Variants in PDE4D observed in about 807,000 individuals in gnomAD.
The protein encoded by PDE4D is 3',5'-cyclic-AMP phosphodiesterase 4D.
PDE4D carries 24 observed loss-of-function variants against 87.4 expected under a neutral mutation model. That is an observed-to-expected ratio of 0.27 (90% CI 0.20 to 0.39). The LOEUF (loss-of-function observed/expected upper bound fraction) is 0.39. Among genes scored for constraint, PDE4D ranks in the 10% least tolerant of loss-of-function variants. The pLI, the probability that PDE4D is intolerant of heterozygous loss-of-function variation, is 1.00. For synonymous variants in PDE4D, 384 were observed against 383.2 expected, an observed-to-expected ratio of 1.00 and a Z score of -0.02; for missense variants, 714 against 1,041.0, an observed-to-expected ratio of 0.69 and a Z score of 4.32.
chr5:60,459,388 G>A (rs1270180198), intron 1 of PDE4D, among the ~76,000 whole-genome samples: 14 of 151,926 alleles, frequency 9.2e-5, no homozygotes, highest in Non-Finnish European at 2.9e-5. Context: ...TTGTTTTTTA[G>A]TTTTTTTCTT....
Position 59,681,243 on chromosome 5 carries a change from A to T in PDE4D, c.455+211925T>A, listed in dbSNP as rs532853779. ...AGGGAGTCAACTAGAAGTACCTTGT[A>T]CTGTCCAAATCCAGGACAGTATGAG... is the stretch of plus-strand genomic sequence containing the variant. On this transcript the variant is annotated intron_variant, in intron 1 of 14. Transcript: ENST00000340635. 3.9e-5 allele frequency among the ~76,000 whole-genome samples: 6 copies of T among 152,330 alleles called. No individual in the cohort carries two copies. The South Asian group carries it at 1.2e-3, about 32-fold the overall frequency.
intron 1 of PDE4D, among the ~76,000 whole-genome samples, chr5:59,651,926 AT>A (rs1743571318): frequency 6.6e-6 from 1 of 152,166 alleles, no homozygotes. Flanking sequence ...CCCTCTGTAA[AT>A]TGCCTTAGCT....
intron 1 of PDE4D, among the ~76,000 whole-genome samples, chr5:59,881,110 C>T (rs1272582646): frequency 7.2e-5 from 11 of 152,112 alleles, no homozygotes; most frequent in Admixed American, 7.2e-4. Context: ...TTTGAATTGG[C>T]AATTATTTTC....
chr5:59,767,198 T>C (rs549785981), intron 1 of PDE4D, among the ~76,000 whole-genome samples: 2 of 152,326 alleles, frequency 1.3e-5, no homozygotes, highest in East Asian at 1.9e-4. Flanking sequence ...TAGTTAGTTA[T>C]GGCAAAACTG....
intron 1 of PDE4D, among the ~76,000 whole-genome samples, chr5:60,188,017 C>T (rs1052976583): frequency 1.3e-5 from 2 of 152,272 alleles, no homozygotes; most frequent in Admixed American, 6.5e-5. Context: ...ATATCTTTAT[C>T]ATCATCCATC....
chr5:60,155,604 C>A (rs1233026143), intron 2 of PDE4D, among the ~76,000 whole-genome samples: 1 of 152,128 alleles, frequency 6.6e-6, no homozygotes, highest in Admixed American at 6.5e-5. Flanking sequence ...ATTTATCAAG[C>A]ATCTACTATA....
chr5:59,580,023 A>G (rs1823825900), intron 1 of PDE4D, among the ~76,000 whole-genome samples: 1 of 152,226 alleles, frequency 6.6e-6, no homozygotes, highest in East Asian at 1.9e-4. Context: ...GGCTATTCAC[A>G]TTCAGTAAGC....
rs184935291 is a variant in PDE4D at position 58,976,486 on chromosome 5, G to C, written c.1708-14C>G. On this transcript the variant is annotated splice_polypyrimidine_tract_variant and intron_variant, in intron 12 of 14. Coordinates refer to ENST00000340635, the MANE Select transcript of PDE4D (RefSeq NM_001104631.2). ...TGTTGCAAGTACCTTAAAATATAGA[G>C]TATATTATTAAGTTCAGAGAAAACA... The C allele has an allele frequency of 1.3e-6, 2 of 1,526,554 alleles. No homozygotes were observed. Among genetic ancestry groups the C allele is most frequent in the African/African-American group, 2.8e-5 (2 of 72,562 alleles). The allele number at this position is 1,526,554 out of a possible 1,614,324, so 94.6% of individuals were successfully genotyped here.
At chr5:59,464,143 A>G (rs1473621438) in intron 1 of PDE4D, among the ~76,000 whole-genome samples, 1 of 152,166 alleles carries the variant, frequency 6.6e-6, no homozygotes, top group African/African-American at 2.4e-5. Flanking sequence ...TCCCCATGTG[A>G]TAGTCTGAAA....
At chr5:59,445,291 A>T (rs997851395) in intron 1 of PDE4D, among the ~76,000 whole-genome samples, 1 of 152,262 alleles carries the variant, frequency 6.6e-6, no homozygotes, top group Admixed American at 6.5e-5. Flanking sequence ...AGAATCATTC[A>T]GTACCACATT....
intron 1 of PDE4D, among the ~76,000 whole-genome samples, chr5:59,404,168 C>G (rs550775197): frequency 6.6e-6 from 1 of 151,998 alleles, no homozygotes; most frequent in African/African-American, 2.4e-5. Context: ...TTTTTTCCTA[C>G]GGAGTTGAGC....
At chr5:59,404,840 C>A (rs1791346509) in intron 1 of PDE4D, among the ~76,000 whole-genome samples, 2 of 152,118 alleles carry the variant, frequency 1.3e-5, no homozygotes, top group African/African-American at 4.8e-5. Flanking sequence ...ATATAGATAT[C>A]CAGTTTTCCC....
intron 2 of PDE4D, among the ~76,000 whole-genome samples, chr5:60,015,514 C>T (rs1765421417): frequency 1.3e-5 from 2 of 152,150 alleles, no homozygotes; most frequent in African/African-American, 4.8e-5. Flanking sequence ...GAAGCCCAAG[C>T]TTCTTTGGGC....
At chr5:60,464,649 A>G (rs540023425) in intron 1 of PDE4D, among the ~76,000 whole-genome samples, 1 of 152,282 alleles carries the variant, frequency 6.6e-6, no homozygotes, top group South Asian at 2.1e-4. Flanking sequence ...CCATTACAAG[A>G]CAGTCCCTCT....
intron 1 of PDE4D, among the ~76,000 whole-genome samples, chr5:59,581,544 C>G (rs1345978676): frequency 6.6e-6 from 1 of 152,124 alleles, no homozygotes; most frequent in Non-Finnish European, 1.5e-5. Context: ...CTGGCTTATG[C>G]CACTCAGTCC....
chr5:59,668,053 GT>G (rs1319514733), intron 1 of PDE4D, among the ~76,000 whole-genome samples: 1 of 152,164 alleles, frequency 6.6e-6, no homozygotes, highest in Non-Finnish European at 1.5e-5. Context: ...TGGAGAGTGT[GT>G]CCTTAAGACT....
chr5:60,124,590 C>T (rs936844158), intron 2 of PDE4D, among the ~76,000 whole-genome samples: 1 of 152,158 alleles, frequency 6.6e-6, no homozygotes, highest in African/African-American at 2.4e-5. Context: ...TTATTACTGT[C>T]TCTGTTGCAT....
At chr5:59,135,094 C>T (rs73098923) in intron 5 of PDE4D, among the ~76,000 whole-genome samples, 297 of 152,266 alleles carry the variant, frequency 2.0e-3, no homozygotes, top group African/African-American at 6.6e-3. Context: ...ACCCAGGAAA[C>T]GGACACATTG....
At chr5:59,662,441 C>A (rs879370028) in intron 1 of PDE4D, among the ~76,000 whole-genome samples, 3 of 152,196 alleles carry the variant, frequency 2.0e-5, no homozygotes, top group Non-Finnish European at 2.9e-5. Flanking sequence ...CCCTGAATAT[C>A]TGTTGTTTGT....
Sources: gnomAD v4.1 joint callset for allele counts (sites outside exome capture counted in the v4.1 genomes callset) on GRCh38, gnomAD v4.1.1 for gene constraint, MANE v1.5 for transcripts, NCBI Gene and HGNC (gene_info 2026-07-23, HGNC 2026-07-21) for gene names.